The following ADGRV1 variants were observed in gnomAD, a reference collection of about 807,000 sequenced individuals.
ADGRV1 encodes adhesion G protein-coupled receptor V1.
In ADGRV1, 359 loss-of-function variants were observed where a neutral mutation model predicts 596.2. That is an observed-to-expected ratio of 0.60 (90% CI 0.55 to 0.66). ADGRV1 has a LOEUF of 0.66. Ranked by LOEUF, ADGRV1 falls within the 30% of genes least tolerant of loss-of-function variation. The pLI is 0.00. For synonymous variants in ADGRV1, 2,681 were observed against 2,679.2 expected (o/e 1.00, Z -0.02); for missense variants, 7,274 against 7,575.6 (o/e 0.96, Z 1.48).
chr5:90,908,916 G>A (rs1358404573), intron 83 of ADGRV1, among the ~76,000 whole-genome samples: 1 of 152,192 alleles, frequency 6.6e-6, no homozygotes, highest in African/African-American at 2.4e-5. Flanking sequence ...AGAACGGTGT[G>A]TTGAGATTGT....
chr5:90,753,363 A>C (rs1755475697), intron 53 of ADGRV1, among the ~76,000 whole-genome samples: 1 of 151,880 alleles, frequency 6.6e-6, no homozygotes, highest in Admixed American at 6.6e-5. Flanking sequence ...TTATTAGCTT[A>C]AAGTTTATAA....
In ADGRV1 at chr5:90,697,023, A is replaced by C; in HGVS notation, c.8032A>C (p.Thr2678Pro). 1.2e-6 allele frequency: 2 copies of C among 1,613,412 alleles called. No homozygotes were observed. The highest frequency in any genetic ancestry group is 1.1e-5 in the South Asian group (1 of 91,064). The change falls in exon 34 of 90, where the codon ACT becomes CCT. Residue 2678 changes from threonine to proline, a missense_variant. Thr to Pro is a conservative substitution (Grantham distance 38). This residue lies in a region of ADGRV1 where 3,643 missense variants were observed against 3,809.2 expected (regional missense o/e 0.96). Transcript: ENST00000405460. ...AAGTATCATAGTTAGTTTGGTGTAC[A>C]CTGAAGGTGGAAGTAGAATTTTGCC... The part of the protein sequence containing the change: ...DESIIVSLVY[T>P]EGGSRILPSS...
At chr5:91,147,859 G>A (rs1044234427) in intron 87 of ADGRV1, among the ~76,000 whole-genome samples, 2 of 152,202 alleles carry the variant, frequency 1.3e-5, no homozygotes, top group Non-Finnish European at 2.9e-5. Flanking sequence ...GTGGAAAAGT[G>A]TGGAACTTCC....
chr5:90,579,816 ATAGT>A (rs1285010088), intron 1 of ADGRV1, among the ~76,000 whole-genome samples: 1 of 152,276 alleles, frequency 6.6e-6, no homozygotes, highest in African/African-American at 2.4e-5. Context: ...TATATTTAGT[ATAGT>A]TAGTTCTTCT....
At chr5:91,115,480 T>A (rs1470762207) in intron 87 of ADGRV1, among the ~76,000 whole-genome samples, 1 of 152,212 alleles carries the variant, frequency 6.6e-6, no homozygotes, top group Non-Finnish European at 1.5e-5. Flanking sequence ...CATCTTATGG[T>A]CAGCTGATGA....
Position 90,745,621 on chromosome 5 carries a change from G to A in ADGRV1, c.10800G>A (p.Glu3600=), listed in dbSNP as rs747978300. The A allele has an allele frequency of 1.2e-6, 2 of 1,612,304 alleles. No homozygotes were observed. The highest frequency in any genetic ancestry group is 1.1e-5 in the South Asian group (1 of 90,968). The change falls in exon 52 of 90, where the codon GAG becomes GAA. Residue 3600 remains glutamate, a synonymous_variant. Transcript: ENST00000405460. ...GTGAACTGATATTTGAACCTGGTGA[G>A]AGAGAAGCTACAATAGCAGTAAATA... The part of the protein sequence containing the change: ...SSGELIFEPG[E]REATIAVNIL...
chr5:90,905,577 A>T (rs1364315148), intron 83 of ADGRV1, among the ~76,000 whole-genome samples: 1 of 152,022 alleles, frequency 6.6e-6, no homozygotes, highest in Non-Finnish European at 1.5e-5. Flanking sequence ...TTGTATGATG[A>T]TTTTGTACCC....
intron 70 of ADGRV1, among the ~76,000 whole-genome samples, chr5:90,802,190 G>T (rs1022984690): frequency 6.6e-6 from 1 of 151,748 alleles, no homozygotes; most frequent in African/African-American, 2.4e-5. Context: ...GAAAATTTGT[G>T]TTTTTTTTGT....
chr5:90,985,126 TC>T (rs917935631), intron 84 of ADGRV1, among the ~76,000 whole-genome samples: 1 of 152,152 alleles, frequency 6.6e-6, no homozygotes, highest in African/African-American at 2.4e-5. Context: ...ACTAAATATT[TC>T]CCTGTGTTTC....
intron 9 of ADGRV1, among the ~76,000 whole-genome samples, chr5:90,631,287 A>G (rs1765462846): frequency 6.6e-6 from 1 of 152,172 alleles, no homozygotes; most frequent in African/African-American, 2.4e-5. Flanking sequence ...AGACTGTGTC[A>G]GCACTTGGTA....
chr5:90,819,744 C>T (rs1581223634), intron 75 of ADGRV1, among the ~76,000 whole-genome samples: 1 of 151,434 alleles, frequency 6.6e-6, no homozygotes, highest in East Asian at 1.9e-4. Context: ...GATTCTTAAT[C>T]CTGAGTTCCA....
intron 1 of ADGRV1, among the ~76,000 whole-genome samples, chr5:90,574,727 T>C (rs963227877): frequency 6.6e-6 from 1 of 152,130 alleles, no homozygotes; most frequent in African/African-American, 2.4e-5. Context: ...AGGATATGTT[T>C]TGGTTGTTAG....
intron 82 of ADGRV1, among the ~76,000 whole-genome samples, chr5:90,859,155 T>C (rs62374001): frequency 6.5e-4 from 99 of 152,222 alleles, no homozygotes; most frequent in Non-Finnish European, 9.1e-4. Flanking sequence ...GTGAGGCAAG[T>C]GGGCGCAGGA....
intron 77 of ADGRV1, among the ~76,000 whole-genome samples, chr5:90,838,283 T>C (rs1172360581): frequency 6.6e-6 from 1 of 152,014 alleles, no homozygotes; most frequent in African/African-American, 2.4e-5. Context: ...AATCACTTCC[T>C]CCTTCCTGAA....
Position 91,150,025 on chromosome 5 carries a change from T to TTTTTG in ADGRV1, c.18433-5_18433-4insTTTTG. The TTTTTG allele has an allele frequency of 2.0e-6, 3 of 1,496,026 alleles. No homozygotes were observed. The highest frequency in any genetic ancestry group is 2.5e-5 in the East Asian group (1 of 39,522). 92.7% of individuals were successfully genotyped at this position (1,496,026 alleles called of 1,614,324 possible). The stretch of plus-strand genomic sequence containing the variant: ...TTTTCTTTTCTTTTTTTTTTTTTTT[T>TTTTTG]GCAGGGACTTTATGTTTTCATGGTT... On this transcript the variant is annotated splice_polypyrimidine_tract_variant and splice_region_variant and intron_variant, in intron 87 of 89. Transcript: ENST00000405460.
chr5:90,943,886 G>A (rs192804103), intron 83 of ADGRV1, among the ~76,000 whole-genome samples: 252 of 152,210 alleles, frequency 1.7e-3, no homozygotes, highest in African/African-American at 5.8e-3. Flanking sequence ...TTTATCTAAT[G>A]ACGTCTGCAA....
In ADGRV1 at chr5:90,810,989, T is replaced by C; in HGVS notation, c.15729T>C (p.Val5243=). 6.2e-7 allele frequency: 1 copy of C among 1,613,996 alleles called. No homozygotes were observed. The highest frequency in any genetic ancestry group is 2.2e-5 in the East Asian group (1 of 44,884). Residue 5243 remains valine, a synonymous_variant, in exon 74 of 90, where the codon GTT becomes GTC. Transcript: ENST00000405460. ...MKNGTFNTAE[V]LIRRTGGFTG... ...ATGGCACATTCAACACTGCAGAAGTTCTTATCCGAAGAACTGGTGGGTTTA... is the reference window on the plus strand; with the variant it reads ...ATGGCACATTCAACACTGCAGAAGTCCTTATCCGAAGAACTGGTGGGTTTA...
rs1186672583 is a variant in ADGRV1 at position 90,672,590 on chromosome 5, C to G, written c.4797C>G (p.Thr1599=). The G allele has an allele frequency of 1.2e-6, 2 of 1,613,610 alleles. No homozygotes were observed. Among genetic ancestry groups the G allele is most frequent in the East Asian group, 2.2e-5 (1 of 44,874 alleles). Residue 1599 remains threonine, a synonymous_variant, in exon 22 of 90, where the codon ACC becomes ACG. Coordinates refer to ENST00000405460, the MANE Select transcript of ADGRV1 (RefSeq NM_032119.4). The stretch of plus-strand genomic sequence containing the variant: ...CCATTTCTTGTGTGGTTGAGAGAAC[C>G]AGAGGAGCTCTGGATTATGTGCATG... ...GSTISCVVER[T]RGALDYVHVF...
rs1009254055 is a variant in ADGRV1, at chr5:90,622,038, T to G, written c.454-559T>G. 9.2e-5 allele frequency among the ~76,000 whole-genome samples: 14 copies of G among 152,334 alleles called. No homozygotes were observed. The East Asian group carries it at 2.7e-3, about 29-fold the overall frequency. ...TCTGTAGCCTGTATGTACTTGGCTG[T>G]GTCCGTGTTCCTCCTCTTCTACCCT... is the stretch of plus-strand genomic sequence containing the variant. On this transcript the variant is annotated intron_variant, in intron 4 of 89. Transcript: ENST00000405460.
Sources: allele counts gnomAD v4.1 joint callset (sites outside exome capture counted in the v4.1 genomes callset), GRCh38; gene constraint gnomAD v4.1.1; regional missense constraint gnomAD v4.1.1; transcripts MANE v1.5; gene names NCBI Gene and HGNC (gene_info 2026-07-23, HGNC 2026-07-21).